SLC1A2: variants seen among roughly 807,000 people sequenced by gnomAD.
SLC1A2 encodes the protein solute carrier family 1 member 2, also known as excitatory amino acid transporter 2.
SLC1A2 carries 15 observed loss-of-function variants against 48.8 expected under a neutral mutation model. That is an observed-to-expected ratio of 0.31 (90% CI 0.21 to 0.47). SLC1A2 has a LOEUF of 0.47. Ranked by LOEUF, SLC1A2 falls within the 20% of genes least tolerant of loss-of-function variation. The probability of loss-of-function intolerance (pLI) is 0.99; values close to 1 mark genes in which losing one functional copy is unlikely to be tolerated. For synonymous variants in SLC1A2, 279 were observed against 272.6 expected, an observed-to-expected ratio of 1.02 and a Z score of -0.23; for missense variants, 502 against 730.5, an observed-to-expected ratio of 0.69 and a Z score of 3.61.
rs75711059 is a variant in SLC1A2 at position 35,312,634 on chromosome 11, T to A, written c.311-186A>T. Among the ~76,000 whole-genome samples the A allele has an allele frequency of 3.0e-4, 45 of 152,370 alleles. No homozygotes were observed. In the East Asian group the frequency reaches 8.3e-3, roughly 28 times the overall value. ...CTGGGACTCCCAACAGATACCAAAA[T>A]CTGAGAGTGCCCAAGTTTCTTCTGT... is the stretch of plus-strand genomic sequence containing the variant. On this transcript the variant is annotated intron_variant, in intron 3 of 10. Coordinates refer to ENST00000278379, the MANE Select transcript of SLC1A2 (RefSeq NM_004171.4).
intron 1 of SLC1A2, among the ~76,000 whole-genome samples, chr11:35,413,970 T>C (rs1855536856): frequency 6.6e-6 from 1 of 152,204 alleles, no homozygotes. Context: ...CCAAACATCA[T>C]TCAAGGTCTT....
At chr11:35,351,144 C>A (rs1224400653) in intron 1 of SLC1A2, among the ~76,000 whole-genome samples, 1 of 152,168 alleles carries the variant, frequency 6.6e-6, no homozygotes, top group Non-Finnish European at 1.5e-5. Context: ...ATACATAATA[C>A]CATTAGTCCC....
At chr11:35,389,595 G>A (rs930930554) in intron 1 of SLC1A2, among the ~76,000 whole-genome samples, 6 of 151,526 alleles carry the variant, frequency 4.0e-5, no homozygotes, top group Admixed American at 6.6e-5. Context: ...CTCAGCCTCC[G>A]GAGTAGCTGG....
At chr11:35,369,662 A>T (rs1808791286) in intron 1 of SLC1A2, among the ~76,000 whole-genome samples, 1 of 152,238 alleles carries the variant, frequency 6.6e-6, no homozygotes, top group Non-Finnish European at 1.5e-5. Flanking sequence ...TAGAATTTCT[A>T]CTTCAAGATT....
At chr11:35,287,545 A>T (rs1850866845) in intron 7 of SLC1A2, among the ~76,000 whole-genome samples, 1 of 152,214 alleles carries the variant, frequency 6.6e-6, no homozygotes, top group South Asian at 2.1e-4. Context: ...CAGATAGTCC[A>T]ACACCCTGAT....
At chr11:35,364,297 TG>T (rs1296720662) in intron 1 of SLC1A2, among the ~76,000 whole-genome samples, 2 of 152,208 alleles carry the variant, frequency 1.3e-5, no homozygotes, top group African/African-American at 4.8e-5. Flanking sequence ...AGGGTCAGTT[TG>T]GGGTGATTCA....
chr11:35,360,046 A>C (rs931517443), intron 1 of SLC1A2: 2 of 983,412 alleles, frequency 2.0e-6, no homozygotes, highest in Admixed American at 6.1e-5. Context: ...TTCTGACCTG[A>C]CCATTCTCTC....
At chr11:35,334,466 T>C (rs1234979780) in intron 1 of SLC1A2, among the ~76,000 whole-genome samples, 1 of 152,190 alleles carries the variant, frequency 6.6e-6, no homozygotes, top group Non-Finnish European at 1.5e-5. Context: ...ACTAAAGATG[T>C]CACATAATTT....
intron 1 of SLC1A2, among the ~76,000 whole-genome samples, chr11:35,384,221 C>T (rs1272360893): frequency 2.0e-5 from 3 of 152,132 alleles, no homozygotes; most frequent in Non-Finnish European, 2.9e-5. Context: ...TAACTTAAAC[C>T]GGTGAGTGGG....
At chr11:35,269,871 A>G (rs1056448922) in intron 9 of SLC1A2, among the ~76,000 whole-genome samples, 2 of 152,194 alleles carry the variant, frequency 1.3e-5, no homozygotes, top group African/African-American at 4.8e-5. Flanking sequence ...GCACTTTGGG[A>G]GGCTGAGGTG....
intron 10 of SLC1A2, among the ~76,000 whole-genome samples, chr11:35,261,200 T>C (rs1950389059): frequency 6.6e-6 from 1 of 152,246 alleles, no homozygotes; most frequent in Non-Finnish European, 1.5e-5. Context: ...TGCTTTGTAA[T>C]TTGGGGAATA....
chr11:35,303,974 A>C (rs548921087), intron 5 of SLC1A2, among the ~76,000 whole-genome samples: 1 of 152,342 alleles, frequency 6.6e-6, no homozygotes, highest in African/African-American at 2.4e-5. Flanking sequence ...TATTTCAGCC[A>C]TGATTTGTAA....
At chr11:35,342,961 A>C (rs1056424812) in intron 1 of SLC1A2, among the ~76,000 whole-genome samples, 1 of 152,224 alleles carries the variant, frequency 6.6e-6, no homozygotes, top group Admixed American at 6.5e-5. Context: ...GACCACCTAT[A>C]TTCAACTACT....
intron 2 of SLC1A2, chr11:35,316,802 C>T (rs1851896338): frequency 6.6e-6 from 1 of 152,578 alleles, no homozygotes; most frequent in Admixed American, 6.5e-5. Context: ...CAACCATCGC[C>T]TGGGTGAGGC....
chr11:35,265,165 G>A, intron 10 of SLC1A2: 1 of 292,748 alleles, frequency 3.4e-6, no homozygotes. Flanking sequence ...GGATGGTCTT[G>A]ATCTCCTGAC....
chr11:35,339,106 T>A (rs556155256), intron 1 of SLC1A2, among the ~76,000 whole-genome samples: 1 of 152,186 alleles, frequency 6.6e-6, no homozygotes, highest in South Asian at 2.1e-4. Flanking sequence ...CATGCAGTAA[T>A]TTGGGGCAAG....
intron 8 of SLC1A2, among the ~76,000 whole-genome samples, chr11:35,282,213 G>A (rs7122176): frequency 9.9e-5 from 15 of 151,910 alleles, no homozygotes; most frequent in African/African-American, 2.7e-4. Context: ...TCCCCTCCCC[G>A]TCCATGGTGT....
chr11:35,370,574 T>G (rs1456081396), intron 1 of SLC1A2, among the ~76,000 whole-genome samples: 3 of 151,818 alleles, frequency 2.0e-5, no homozygotes, highest in Admixed American at 1.3e-4. Context: ...ACATATGGGT[T>G]GGAGGAGAAG....
intron 1 of SLC1A2, among the ~76,000 whole-genome samples, chr11:35,366,531 GT>G (rs1261005940): frequency 6.6e-6 from 1 of 152,190 alleles, no homozygotes; most frequent in Non-Finnish European, 1.5e-5. Context: ...GATTTGCCCT[GT>G]TTTCCAGAAT....
Sources: gnomAD v4.1 joint callset for allele counts (sites outside exome capture counted in the v4.1 genomes callset) on GRCh38, gnomAD v4.1.1 for gene constraint, MANE v1.5 for transcripts, NCBI Gene and HGNC (gene_info 2026-07-23, HGNC 2026-07-21) for gene names.